BORCS8: variants seen among roughly 807,000 people sequenced by gnomAD.
The protein encoded by BORCS8 is BLOC-1 related complex subunit 8.
BORCS8 carries 13 observed loss-of-function variants against 18.7 expected under a neutral mutation model. The observed-to-expected ratio is 0.70, with a 90% CI of 0.45 to 1.11. The LOEUF (loss-of-function observed/expected upper bound fraction) is 1.11. BORCS8 is among the 50% of genes least tolerant of loss of function. The pLI is 0.00. For missense variants in BORCS8, 165 were observed against 165.7 expected (o/e 1.00, Z 0.02); for synonymous variants, 68 against 64.8 (o/e 1.05, Z -0.24).
intron 4 of BORCS8, 150 bp from the exon 5 acceptor site, chr19:19,180,911 T>C (rs991016457): frequency 5.0e-5 from 42 of 833,366 alleles, no homozygotes; most frequent in Middle Eastern, 2.8e-4. Flanking sequence ...GTGGGATGAG[T>C]GGGCCAGGAA....
intron 1 of BORCS8, among the ~76,000 whole-genome samples, chr19:19,190,275 CA>C (rs996611489): frequency 6.6e-6 from 1 of 152,116 alleles, no homozygotes; most frequent in Admixed American, 6.5e-5. Flanking sequence ...TCCTCATCCA[CA>C]AAAAAAGAAT....
Position 19,192,088 on chromosome 19 carries a change from C to T in BORCS8, c.30G>A (p.Gly10=), listed in dbSNP as rs1331750155. The T allele has an allele frequency of 9.0e-6, 14 of 1,551,412 alleles. No homozygotes were observed. In the Admixed American group the frequency reaches 2.2e-4, roughly 24 times the overall value. MEEPEMQLK[G]KKVTDKFTES... The stretch of plus-strand genomic sequence containing the variant: ...CCCGCAGGCCCGCACCACCTTTCTT[C>T]CCCTTGAGCTGCATCTCCGGCTCCT... Residue 10 remains glycine (G), a synonymous_variant, in exon 1 of 6, where the codon GGG becomes GGA. Coordinates refer to ENST00000462790, the MANE Select transcript of BORCS8 (RefSeq NM_001145784.2).
chr19:19,177,758 G>GAAAAGAAAAGAAAAGAA (rs1332814903), intron 5 of BORCS8: 5 of 174,740 alleles, frequency 2.9e-5, no homozygotes, highest in African/African-American at 1.2e-4. Context: ...GAAAAGAAAG[G>GAAAAGAAAAGAAAAGAA]AAGAAAGAAA....
Position 19,182,079 on chromosome 19 carries a change from C to T in BORCS8, c.326+494G>A, listed in dbSNP as rs948417580. The T allele has an allele frequency of 4.6e-5, 45 of 982,952 alleles. No homozygotes were observed. Among genetic ancestry groups the T allele is most frequent in the Non-Finnish European group, 5.3e-5 (44 of 827,622 alleles). The allele number at this position is 982,952 out of a possible 1,614,324, so 60.9% of individuals were successfully genotyped here. A position where few individuals can be genotyped will look rare whatever the true frequency, so the allele number is the denominator to read the frequency against. On this transcript the variant is annotated intron_variant, in intron 4 of 5. Transcript: ENST00000462790. This position sits in a 1 kb window ranked among gnomAD's most constrained non-coding sequence, Gnocchi z 4.1. ...GCCATCTCCCTGGCCCCATCTCCCCCAGCTGGCCGGCTCCAGCCACAGAAG... is the reference window on the plus strand; with the variant it reads ...GCCATCTCCCTGGCCCCATCTCCCCTAGCTGGCCGGCTCCAGCCACAGAAG...
intron 3 of BORCS8, among the ~76,000 whole-genome samples, chr19:19,184,013 G>C (rs2060379582): frequency 6.6e-6 from 1 of 151,496 alleles, no homozygotes; most frequent in African/African-American, 2.4e-5. Context: ...CTCCCAAGTA[G>C]CTGGGATTAC....
intron 5 of BORCS8, chr19:19,177,696 G>GAGAAA (rs1160218288): frequency 0.04 from 2,953 of 74,258 alleles, 102 homozygotes; most frequent in Middle Eastern, 0.064. Context: ...AAGGAAGGAA[G>GAGAAA]AGAAAAGAAA....
chr19:19,186,799 G>A (rs2060413310), intron 2 of BORCS8, 94 bp downstream of exon 2: 1 of 844,590 alleles, frequency 1.2e-6, no homozygotes, highest in Admixed American at 2.9e-5. Flanking sequence ...CCACGCCTCT[G>A]ACCTGGCTTT....
At chr19:19,188,546 C>T (rs1035441106) in intron 1 of BORCS8, among the ~76,000 whole-genome samples, 1 of 152,128 alleles carries the variant, frequency 6.6e-6, no homozygotes, top group Non-Finnish European at 1.5e-5. Context: ...TTTTTGCCCC[C>T]GTGACCACAC....
chr19:19,188,324 G>T (rs914198793), intron 1 of BORCS8, among the ~76,000 whole-genome samples: 1 of 152,002 alleles, frequency 6.6e-6, no homozygotes, highest in Non-Finnish European at 1.5e-5. Context: ...CACCGCGCCC[G>T]GCTCATTTTT....
Position 19,186,014 on chromosome 19 carries a change from G to A in BORCS8, c.215+20C>T, listed in dbSNP as rs375919740. ...GAGCAGCAAAAGGTGGCCCTGCAGC[G>A]GGGAGGCTGTGGCGCTCACCTGCAG... On this transcript the variant is annotated intron_variant, in intron 3 of 5. Transcript: ENST00000462790. The A allele has an allele frequency of 9.7e-6, 15 of 1,549,190 alleles. No homozygotes were observed. Among genetic ancestry groups the A allele is most frequent in the African/African-American group, 2.7e-5 (2 of 73,010 alleles).
In BORCS8 at chr19:19,182,609, A is replaced by G. The variant is rs2060359861; in HGVS notation, c.290T>C (p.Ile97Thr). The G allele has an allele frequency of 3.2e-6, 5 of 1,551,358 alleles. No individual in the cohort carries two copies. The highest frequency in any genetic ancestry group is 3.5e-6 in the Non-Finnish European group (4 of 1,146,940). ...VEGLLKQAIS[I>T]RDHMNASAQG... ...GGCACTGGCATTCATATGGTCCCGG[A>G]TGCTGATGGCCTGTTTGAGCAGACC... The change falls in exon 4 of 6, where the codon ATC becomes ACC. Residue 97 changes from isoleucine to threonine, a missense_variant. By Grantham distance (89) the Ile-to-Thr change is moderately conservative. Transcript: ENST00000462790. The surrounding 1 kb of genome is among the most constrained non-coding windows in gnomAD (Gnocchi z 4.1).
chr19:19,189,796 A>G (rs1004919556), intron 1 of BORCS8, among the ~76,000 whole-genome samples: 4 of 152,168 alleles, frequency 2.6e-5, no homozygotes, highest in Non-Finnish European at 5.9e-5. Flanking sequence ...CTATACCTGT[A>G]GTCCCAGCTA....
At chr19:19,189,267 T>C (rs570727160) in intron 1 of BORCS8, among the ~76,000 whole-genome samples, 111 of 152,262 alleles carry the variant, frequency 7.3e-4, no homozygotes, top group African/African-American at 2.6e-3. Flanking sequence ...ACCTGTTCTA[T>C]TATACCACAC....
chr19:19,184,040 A>G (rs1281760912), intron 3 of BORCS8, among the ~76,000 whole-genome samples: 3 of 151,016 alleles, frequency 2.0e-5, no homozygotes, highest in Non-Finnish European at 3.0e-5. Flanking sequence ...CCACCACCAC[A>G]CCTGGCTAAT....
At position 19,184,745 on chromosome 19, in the gene BORCS8, G is replaced by A. The variant is rs553851713; in HGVS notation, c.215+1289C>T. On this transcript the variant is annotated intron_variant, in intron 3 of 5. Coordinates refer to ENST00000462790, the MANE Select transcript of BORCS8 (RefSeq NM_001145784.2). ...ATCCCGAGTAGCTGGGACTAGAGGT[G>A]TGTGCCACCAGGCTCGGCTAGTTTT... 3.3e-5 allele frequency among the ~76,000 whole-genome samples: 5 copies of A among 152,278 alleles called. No homozygotes were observed. The East Asian group carries it at 9.6e-4, about 29-fold the overall frequency.
chr19:19,179,595 G>T (rs531081253), intron 5 of BORCS8: 1 of 152,636 alleles, frequency 6.6e-6, no homozygotes, highest in East Asian at 1.9e-4. Flanking sequence ...ACATGGCACC[G>T]AGGACAATCA....
Position 19,185,038 on chromosome 19 carries a change from C to T in BORCS8, c.215+996G>A, listed in dbSNP as rs549350110. On this transcript the variant is annotated intron_variant, in intron 3 of 5. Transcript: ENST00000462790. ...GCATAACCATTCCCAGCTCTAGCAACTCCTATTTCTTTTCTTTTCCTTGAG... is the reference window on the plus strand; with the variant it reads ...GCATAACCATTCCCAGCTCTAGCAATTCCTATTTCTTTTCTTTTCCTTGAG... 7.7e-4 allele frequency among the ~76,000 whole-genome samples: 118 copies of T among 152,358 alleles called. 1 individual carries two copies. The highest frequency in any genetic ancestry group is 2.6e-3 in the African/African-American group (110 of 41,590).
At chr19:19,186,508 A>C (rs938096864) in intron 2 of BORCS8, among the ~76,000 whole-genome samples, 1 of 152,148 alleles carries the variant, frequency 6.6e-6, no homozygotes, top group Non-Finnish European at 1.5e-5. Context: ...TGTTCTCCTG[A>C]TAAGTGAGTT....
At chr19:19,191,786 C>G (rs1599767089) in intron 1 of BORCS8, among the ~76,000 whole-genome samples, 1 of 152,098 alleles carries the variant, frequency 6.6e-6, no homozygotes, top group Non-Finnish European at 1.5e-5. Context: ...ACTATGTCAC[C>G]TAGGCTGGTC....
Sources: gnomAD v4.1 joint callset for allele counts (sites outside exome capture counted in the v4.1 genomes callset) on GRCh38, gnomAD v4.1.1 for gene constraint, Gnocchi (gnomAD v3.1) non-coding constraint, MANE v1.5 for transcripts, NCBI Gene and HGNC (gene_info 2026-07-23, HGNC 2026-07-21) for gene names.